Variants in SNX4 observed in about 807,000 individuals in gnomAD.
SNX4 encodes sorting nexin 4.
Under a neutral mutation model 70.8 loss-of-function variants are expected in SNX4, and 49 were observed. That is an observed-to-expected ratio of 0.69 (90% CI 0.55 to 0.88). The LOEUF (loss-of-function observed/expected upper bound fraction) is 0.88. Ranked by LOEUF, SNX4 falls within the 40% of genes least tolerant of loss-of-function variation. SNX4 has a pLI of 0.00. For missense variants in SNX4, 528 were observed against 544.8 expected, an observed-to-expected ratio of 0.97 and a Z score of 0.31; for synonymous variants, 206 against 183.8, an observed-to-expected ratio of 1.12 and a Z score of -0.98.
At chr3:125,500,341 G>T (rs541021769) in intron 2 of SNX4, among the ~76,000 whole-genome samples, 1 of 152,028 alleles carries the variant, frequency 6.6e-6, no homozygotes, top group African/African-American at 2.4e-5. Context: ...TTCTAAAAGA[G>T]ACATATATTT....
At chr3:125,487,406 C>G (rs1489430472) in intron 6 of SNX4, among the ~76,000 whole-genome samples, 1 of 151,970 alleles carries the variant, frequency 6.6e-6, no homozygotes, top group Non-Finnish European at 1.5e-5. Context: ...TTCAGAAAAC[C>G]TGGCTGGGTC....
At chr3:125,476,439 C>T (rs1470882806) in intron 8 of SNX4, among the ~76,000 whole-genome samples, 1 of 151,778 alleles carries the variant, frequency 6.6e-6, no homozygotes, top group African/African-American at 2.4e-5. Context: ...AGTGTGGTGG[C>T]GCATGCCTGT....
intron 8 of SNX4, among the ~76,000 whole-genome samples, chr3:125,471,003 C>T (rs549068560): frequency 2.0e-5 from 3 of 152,272 alleles, no homozygotes; most frequent in African/African-American, 7.2e-5. Flanking sequence ...AGTCCTGTAT[C>T]TACCAGTCCC....
At chr3:125,508,332 C>T (rs1395113312) in intron 1 of SNX4, among the ~76,000 whole-genome samples, 1 of 152,156 alleles carries the variant, frequency 6.6e-6, no homozygotes, top group Admixed American at 6.5e-5. Context: ...CTTTGGGAGG[C>T]TGGGGCGGGC....
intron 11 of SNX4, among the ~76,000 whole-genome samples, chr3:125,455,799 G>C (rs925015208): frequency 3.3e-5 from 5 of 152,104 alleles, no homozygotes; most frequent in African/African-American, 1.2e-4. Flanking sequence ...GGATCACGAG[G>C]TCAGGAGATT....
chr3:125,489,612 G>A, intron 5 of SNX4, 149 bp from the exon 6 acceptor site: 1 of 647,414 alleles, frequency 1.5e-6, no homozygotes. Flanking sequence ...TAAAAAAATA[G>A]CTTAGTAATT....
chr3:125,512,432 A>G (rs1935190395), intron 1 of SNX4, among the ~76,000 whole-genome samples: 1 of 152,166 alleles, frequency 6.6e-6, no homozygotes. Context: ...AGCTATCATA[A>G]AAGCTAAAGA....
intron 6 of SNX4, among the ~76,000 whole-genome samples, chr3:125,487,817 GGGA>G (rs1320771748): frequency 1.3e-5 from 2 of 151,826 alleles, no homozygotes; most frequent in Non-Finnish European, 2.9e-5. Flanking sequence ...CAGGGGTTGA[GGGA>G]GGAGATGAAC....
At chr3:125,511,685 C>CA (rs1553729388) in intron 1 of SNX4, among the ~76,000 whole-genome samples, 1 of 151,530 alleles carries the variant, frequency 6.6e-6, no homozygotes, top group Non-Finnish European at 1.5e-5. Flanking sequence ...TATGCTATGG[C>CA]TTTTTTTTTC....
chr3:125,483,287 G>A (rs2107547633), intron 6 of SNX4, among the ~76,000 whole-genome samples: 1 of 152,094 alleles, frequency 6.6e-6, no homozygotes, highest in Non-Finnish European at 1.5e-5. Flanking sequence ...AGTTTCAAGA[G>A]GCTAATACTT....
Position 125,489,464 on chromosome 3 carries a change from C to T in SNX4, c.598-1G>A. 1 of 1,611,596 alleles carries T rather than the reference C, an allele frequency of 6.2e-7. No homozygotes were observed. Among genetic ancestry groups the T allele is most frequent in the Non-Finnish European group, 8.5e-7 (1 of 1,178,370 alleles). On this transcript the variant is annotated splice_acceptor_variant, in intron 5 of 13. Coordinates refer to ENST00000251775, the MANE Select transcript of SNX4 (RefSeq NM_003794.4). LOFTEE classifies it high-confidence loss of function. The stretch of plus-strand genomic sequence containing the variant: ...TAAGCGCTTTTAACCTGGAGTCTGC[C>T]TGGAAAAAATAATTTGTTCACTTAA...
At chr3:125,464,138 T>C (rs1427503157) in intron 9 of SNX4, among the ~76,000 whole-genome samples, 3 of 152,194 alleles carry the variant, frequency 2.0e-5, no homozygotes, top group Non-Finnish European at 2.9e-5. Context: ...GTATTAAGTA[T>C]ATATACACTG....
Position 125,469,480 on chromosome 3 carries a change from C to T in SNX4, c.828G>A (p.Leu276=). Reference sequence around the variant, plus strand: ...CATCCATATGATGACCAGCACTCTGCAGTCCATCACCCATTTCTTTTTCTA... The same window carrying T: ...CATCCATATGATGACCAGCACTCTGTAGTCCATCACCCATTTCTTTTTCTA... ...SAIEKEMGDG[L]QSAGHHMDVY... The change falls in exon 9 of 14, where the codon CTG becomes CTA. Residue 276 remains leucine (L), a synonymous_variant. Coordinates refer to ENST00000251775, the MANE Select transcript of SNX4 (RefSeq NM_003794.4). 1 of 1,613,738 alleles carries T rather than the reference C, an allele frequency of 6.2e-7. No homozygotes were observed. Among genetic ancestry groups the T allele is most frequent in the Non-Finnish European group, 8.5e-7 (1 of 1,179,692 alleles).
chr3:125,505,666 G>A (rs1456215814), intron 1 of SNX4, among the ~76,000 whole-genome samples: 1 of 152,196 alleles, frequency 6.6e-6, no homozygotes, highest in East Asian at 1.9e-4. Flanking sequence ...GGTGGTCATT[G>A]CTGTTGCTCC....
At chr3:125,485,309 T>G (rs1044519268) in intron 6 of SNX4, among the ~76,000 whole-genome samples, 5 of 152,098 alleles carry the variant, frequency 3.3e-5, no homozygotes, top group African/African-American at 1.2e-4. Flanking sequence ...GGCTTTCCTT[T>G]TTTTTTTAGA....
intron 2 of SNX4, among the ~76,000 whole-genome samples, chr3:125,500,194 A>G (rs556309922): frequency 3.5e-4 from 54 of 152,296 alleles, no homozygotes; most frequent in African/African-American, 1.3e-3. Flanking sequence ...ATCACTCAAC[A>G]ACTATTCAAT....
intron 11 of SNX4, among the ~76,000 whole-genome samples, chr3:125,454,392 G>A (rs1432959461): frequency 6.6e-6 from 1 of 152,210 alleles, no homozygotes; most frequent in African/African-American, 2.4e-5. Context: ...CAGGTTGTGT[G>A]TTCCTTGTGA....
chr3:125,510,772 T>C (rs912734472), intron 1 of SNX4, among the ~76,000 whole-genome samples: 12 of 152,008 alleles, frequency 7.9e-5, no homozygotes, highest in Non-Finnish European at 1.6e-4. Context: ...CAGGGGGAAA[T>C]AGGTAGCTGT....
chr3:125,484,088 CTGTCTTAGAGACA>C (rs1252765481), intron 6 of SNX4, among the ~76,000 whole-genome samples: 1 of 152,170 alleles, frequency 6.6e-6, no homozygotes, highest in East Asian at 1.9e-4. Flanking sequence ...TCTAAAATCC[CTGTCTTAGAGACA>C]TGCAAAAGTG....
Sources: allele counts gnomAD v4.1 joint callset (sites outside exome capture counted in the v4.1 genomes callset), GRCh38; gene constraint gnomAD v4.1.1; transcripts MANE v1.5; gene names NCBI Gene and HGNC (gene_info 2026-07-23, HGNC 2026-07-21).